The following IL1RAPL2 variants were observed in gnomAD, a reference collection of about 807,000 sequenced individuals.
IL1RAPL2 encodes interleukin 1 receptor accessory protein like 2, also known as X-linked interleukin-1 receptor accessory protein-like 2.
In IL1RAPL2, 3 loss-of-function variants were observed where a neutral mutation model predicts 44.1. That is an observed-to-expected ratio of 0.07 (90% CI 0.03 to 0.18). IL1RAPL2 has a LOEUF of 0.18. Ranked by LOEUF, IL1RAPL2 falls within the 10% of genes least tolerant of loss-of-function variation. IL1RAPL2 has a pLI of 1.00. For missense variants in IL1RAPL2, 391 were observed against 496.4 expected (o/e 0.79, Z 2.02); for synonymous variants, 181 against 178.8 (o/e 1.01, Z -0.10).
chrX:104,960,440 T>C (rs1322371476), intron 2 of IL1RAPL2, among the ~76,000 whole-genome samples: 1 of 111,901 alleles, frequency 8.9e-6, no homozygotes, highest in African/African-American at 3.2e-5. Flanking sequence ...CTCTTTCCTA[T>C]TGTGAGTCAT....
intron 6 of IL1RAPL2, among the ~76,000 whole-genome samples, chrX:105,497,670 C>T (rs1229711183): frequency 1.8e-5 from 2 of 111,538 alleles, no homozygotes; most frequent in Non-Finnish European, 3.8e-5. Flanking sequence ...ATGCCAAAGT[C>T]TTCAACAAAA....
rs772138656 is a variant in IL1RAPL2, at chrX:105,326,729, T to G, written c.697+59188T>G. ...TGTAGGGTTTTTTTTATTCCATTGA[T>G]CTATACGTCTATCCTTATGCCAATA... On this transcript the variant is annotated intron_variant, in intron 5 of 10. Transcript: ENST00000372582. Among the ~76,000 whole-genome samples, 19 of 111,797 alleles carry G rather than the reference T, an allele frequency of 1.7e-4. 1 individual carries two copies. In the South Asian group the frequency reaches 6.0e-3, roughly 36 times the overall value.
chrX:104,912,897 AC>A (rs1924289403), intron 2 of IL1RAPL2, among the ~76,000 whole-genome samples: 1 of 112,463 alleles, frequency 8.9e-6, no homozygotes, highest in Non-Finnish European at 1.9e-5. Flanking sequence ...CAGTGGAGAT[AC>A]AAAAGAAGTA....
intron 5 of IL1RAPL2, among the ~76,000 whole-genome samples, chrX:105,442,730 G>A (rs1464372680): frequency 8.9e-6 from 1 of 112,386 alleles, no homozygotes; most frequent in Non-Finnish European, 1.9e-5. Context: ...TGCCCAAACT[G>A]TATTGGCATA....
chrX:104,863,763 G>A (rs1922549419), intron 2 of IL1RAPL2, among the ~76,000 whole-genome samples: 1 of 111,999 alleles, frequency 8.9e-6, no homozygotes, highest in African/African-American at 3.2e-5. Context: ...TTCTATCACC[G>A]TATTTATGAT....
At chrX:105,702,436 G>A (rs755291529) in intron 6 of IL1RAPL2, among the ~76,000 whole-genome samples, 7 of 110,807 alleles carry the variant, frequency 6.3e-5, no homozygotes, top group East Asian at 2.9e-4. Flanking sequence ...GTATGGTCAC[G>A]GGCATTGCTT....
chrX:104,972,962 GT>G (rs774296836), intron 2 of IL1RAPL2, among the ~76,000 whole-genome samples: 3 of 111,958 alleles, frequency 2.7e-5, no homozygotes, highest in Non-Finnish European at 5.6e-5. Flanking sequence ...TAAGAAACAG[GT>G]TTAATCCTCG....
intron 2 of IL1RAPL2, among the ~76,000 whole-genome samples, chrX:104,998,927 A>G (rs2030800658): frequency 9.0e-6 from 1 of 111,548 alleles, no homozygotes; most frequent in African/African-American, 3.3e-5. Context: ...CAACCTCCCA[A>G]GTAGCTGGGA....
chrX:105,231,744 A>C (rs1169815546), intron 3 of IL1RAPL2, among the ~76,000 whole-genome samples: 2 of 112,194 alleles, frequency 1.8e-5, no homozygotes, highest in African/African-American at 6.5e-5. Flanking sequence ...AACAGAGAAA[A>C]TGCCAGTGTG....
At chrX:105,374,719 C>T (rs892340148) in intron 5 of IL1RAPL2, among the ~76,000 whole-genome samples, 1 of 110,246 alleles carries the variant, frequency 9.1e-6, no homozygotes, top group Non-Finnish European at 1.9e-5. Flanking sequence ...GAGGCCAAGG[C>T]GGGTGGATCA....
intron 2 of IL1RAPL2, among the ~76,000 whole-genome samples, chrX:104,785,180 TA>T (rs1011084954): frequency 2.3e-4 from 25 of 107,806 alleles, no homozygotes; most frequent in African/African-American, 5.7e-4. Flanking sequence ...CCTGGGTAAT[TA>T]AAAAAAAAAT....
chrX:105,292,487 C>A (rs1299086506), intron 5 of IL1RAPL2, among the ~76,000 whole-genome samples: 1 of 111,612 alleles, frequency 9.0e-6, no homozygotes, highest in Non-Finnish European at 1.9e-5. Flanking sequence ...CTTTGTGGGA[C>A]TAGATTTTCT....
At chrX:105,435,325 A>G (rs1488587995) in intron 5 of IL1RAPL2, among the ~76,000 whole-genome samples, 1 of 112,159 alleles carries the variant, frequency 8.9e-6, no homozygotes, top group Admixed American at 9.5e-5. Context: ...AGAAATGCAA[A>G]TCAAAACCAC....
intron 5 of IL1RAPL2, among the ~76,000 whole-genome samples, chrX:105,354,923 T>G (rs2147707207): frequency 8.9e-6 from 1 of 111,854 alleles, no homozygotes; most frequent in African/African-American, 3.2e-5. Flanking sequence ...TAAATGACAT[T>G]ACCCTCTACC....
intron 1 of IL1RAPL2, among the ~76,000 whole-genome samples, chrX:104,573,274 G>C (rs924990429): frequency 1.8e-5 from 2 of 112,114 alleles, no homozygotes; most frequent in Non-Finnish European, 3.8e-5. Context: ...TAAATATGCA[G>C]TTGTATAAAT....
At position 104,613,574 on chromosome X, in the gene IL1RAPL2, G is replaced by A. The variant is rs750858748; in HGVS notation, c.-19-45321G>A. 2.7e-5 allele frequency among the ~76,000 whole-genome samples: 3 copies of A among 111,429 alleles called. No individual in the cohort carries two copies. The South Asian group carries it at 1.1e-3, about 42-fold the overall frequency. On this transcript the variant is annotated intron_variant, in intron 1 of 10. Coordinates refer to ENST00000372582, the MANE Select transcript of IL1RAPL2 (RefSeq NM_017416.2). ...GCTGTTGGATTTGGTTTGCTAGTAT[G>A]TTGTTGAGGATATTTGAGTCAAAGT...
At chrX:105,194,925 A>G (rs781865989) in intron 2 of IL1RAPL2, among the ~76,000 whole-genome samples, 1 of 111,304 alleles carries the variant, frequency 9.0e-6, no homozygotes, top group South Asian at 3.8e-4. Context: ...AAAGTCATTT[A>G]ACTTCTTTTG....
At chrX:104,827,418 A>G (rs939095795) in intron 2 of IL1RAPL2, among the ~76,000 whole-genome samples, 2 of 111,326 alleles carry the variant, frequency 1.8e-5, no homozygotes, top group Non-Finnish European at 3.8e-5. Context: ...TTCGTGGTTG[A>G]AAATACTTTT....
intron 2 of IL1RAPL2, among the ~76,000 whole-genome samples, chrX:104,720,779 G>C (rs1236027829): frequency 2.7e-5 from 3 of 111,199 alleles, no homozygotes; most frequent in Non-Finnish European, 5.7e-5. Context: ...TTTGCTTGCT[G>C]TACCTGTTTG....
Sources: allele counts gnomAD v4.1 joint callset (sites outside exome capture counted in the v4.1 genomes callset), GRCh38; gene constraint gnomAD v4.1.1; transcripts MANE v1.5; gene names NCBI Gene and HGNC (gene_info 2026-07-23, HGNC 2026-07-21).